EFCAB8: variants seen among roughly 807,000 people sequenced by gnomAD.
EFCAB8 encodes EF-hand calcium-binding domain-containing protein 8.
EFCAB8 carries 100 observed loss-of-function variants against 116.3 expected under a neutral mutation model. The observed-to-expected ratio is 0.86, with a 90% CI of 0.73 to 1.02. The LOEUF is 1.02. Ranked by LOEUF, EFCAB8 falls within the 50% of genes least tolerant of loss-of-function variation. The pLI is 0.00. For synonymous variants in EFCAB8, 558 were observed against 567.9 expected (o/e 0.98, Z 0.25); for missense variants, 1,320 against 1,416.9 (o/e 0.93, Z 1.10).
chr20:32,866,748 C>G (rs1297151662), intron 2 of EFCAB8, among the ~76,000 whole-genome samples: 3 of 143,862 alleles, frequency 2.1e-5, no homozygotes, highest in Non-Finnish European at 3.1e-5. Context: ...TTCCTTCCTT[C>G]CCTCCCTCCC....
intron 3 of EFCAB8, among the ~76,000 whole-genome samples, chr20:32,869,386 C>T (rs1445650928): frequency 6.6e-6 from 1 of 152,144 alleles, no homozygotes; most frequent in Non-Finnish European, 1.5e-5. Context: ...CTGGTATGTG[C>T]CACCACGCCT....
intron 6 of EFCAB8, 103 bp downstream of exon 6, chr20:32,885,743 C>G (rs1424223262): frequency 3.7e-5 from 53 of 1,418,838 alleles, no homozygotes; most frequent in Non-Finnish European, 5.0e-5. Flanking sequence ...GATTCATGGT[C>G]TAAGCAGCCT....
intron 6 of EFCAB8, among the ~76,000 whole-genome samples, chr20:32,886,421 C>T (rs1985634110): frequency 6.6e-6 from 1 of 152,188 alleles, no homozygotes; most frequent in Admixed American, 6.5e-5. Flanking sequence ...GAAAGCACTG[C>T]TCTCCAGGGC....
At chr20:32,954,369 C>A (rs1411970005) in intron 23 of EFCAB8, among the ~76,000 whole-genome samples, 3 of 152,130 alleles carry the variant, frequency 2.0e-5, no homozygotes, top group Admixed American at 6.5e-5. Context: ...TTCCCAAAAC[C>A]ATTTGTTGTA....
intron 11 of EFCAB8, among the ~76,000 whole-genome samples, chr20:32,900,945 G>A (rs1248957427): frequency 6.6e-6 from 1 of 151,688 alleles, no homozygotes; most frequent in East Asian, 1.9e-4. Flanking sequence ...CTCGTGATCC[G>A]CCCACCTCGG....
intron 23 of EFCAB8, among the ~76,000 whole-genome samples, chr20:32,948,678 A>G (rs576517320): frequency 1.5e-4 from 23 of 152,308 alleles, no homozygotes; most frequent in Non-Finnish European, 3.2e-4. Context: ...TCCAGCAATG[A>G]TCACATAGGG....
At chr20:32,946,812 A>C (rs1437595149) in intron 23 of EFCAB8, among the ~76,000 whole-genome samples, 1 of 152,176 alleles carries the variant, frequency 6.6e-6, no homozygotes, top group South Asian at 2.1e-4. Context: ...TCCTTCTCCT[A>C]ACCCCTGGCA....
At chr20:32,921,412 C>T (rs1284486631) in intron 20 of EFCAB8, among the ~76,000 whole-genome samples, 2 of 149,910 alleles carry the variant, frequency 1.3e-5, no homozygotes, top group African/African-American at 2.4e-5. Context: ...GATGGGGTCT[C>T]ACTATGCTGC....
chr20:32,931,307 C>T lies in EFCAB8; in HGVS notation c.2761C>T (p.Pro921Ser). 1 of 1,550,442 alleles carries T rather than the reference C, an allele frequency of 6.4e-7. No homozygotes were observed. Among genetic ancestry groups the T allele is most frequent in the Non-Finnish European group, 8.7e-7 (1 of 1,146,276 alleles). ...TCCTCAGCAACTTGGGACCAACTTC[C>T]CACACTACATTCCCTTGGAGGATAA... is the stretch of plus-strand genomic sequence containing the variant. ...LIPQQLGTNF[P>S]HYIPLEDKEV... The change falls in exon 22 of 27, where the codon CCA (proline) becomes TCA (serine). Residue 921 changes from proline (P) to serine (S), a missense_variant. By Grantham distance (74) the Pro-to-Ser change is moderately conservative. Coordinates refer to ENST00000400522, the MANE Select transcript of EFCAB8 (RefSeq NM_001143967.2).
chr20:32,870,981 C>T (rs1228365401), intron 3 of EFCAB8, among the ~76,000 whole-genome samples: 1 of 151,992 alleles, frequency 6.6e-6, no homozygotes, highest in East Asian at 1.9e-4. Context: ...GTCTCAGCCT[C>T]CCGAGTAGCT....
intron 10 of EFCAB8, among the ~76,000 whole-genome samples, chr20:32,896,931 T>C (rs1340613064): frequency 5.9e-5 from 9 of 152,196 alleles, no homozygotes; most frequent in African/African-American, 1.9e-4. Flanking sequence ...GTCCTTACCA[T>C]GGCCGTCAGG....
intron 23 of EFCAB8, among the ~76,000 whole-genome samples, chr20:32,946,422 G>T (rs1272631196): frequency 6.6e-6 from 1 of 152,034 alleles, no homozygotes; most frequent in Non-Finnish European, 1.5e-5. Flanking sequence ...TTTGGTTTTT[G>T]TTTGTTTGTT....
intron 17 of EFCAB8, among the ~76,000 whole-genome samples, chr20:32,916,894 G>A (rs946211374): frequency 6.6e-6 from 1 of 152,018 alleles, no homozygotes; most frequent in Non-Finnish European, 1.5e-5. Context: ...AATCTGAAGC[G>A]TGAGAAGGAA....
In EFCAB8 at chr20:32,867,947, C is replaced by T. The variant is rs116428468; in HGVS notation, c.208+200C>T. On this transcript the variant is annotated intron_variant, in intron 3 of 26. Transcript: ENST00000400522. ...AACCTCCCATGCTCAAGCGATCCTCCTGTCTCAGCCCCCAGAGTAGCTGGG... is the reference window on the plus strand; with the variant it reads ...AACCTCCCATGCTCAAGCGATCCTCTTGTCTCAGCCCCCAGAGTAGCTGGG... Among the ~76,000 whole-genome samples the T allele has an allele frequency of 5.3e-3, 805 of 152,230 alleles. 5 individuals carry two copies. Among genetic ancestry groups the T allele is most frequent in the African/African-American group, 0.019 (774 of 41,524 alleles).
At chr20:32,868,303 G>A (rs1005548784) in intron 3 of EFCAB8, among the ~76,000 whole-genome samples, 5 of 152,070 alleles carry the variant, frequency 3.3e-5, no homozygotes, top group Admixed American at 6.6e-5. Flanking sequence ...CTCAAGCAGC[G>A]CCTTCTGCCT....
chr20:32,869,350 C>G (rs1385246086), intron 3 of EFCAB8, among the ~76,000 whole-genome samples: 1 of 151,944 alleles, frequency 6.6e-6, no homozygotes, highest in Admixed American at 6.6e-5. Context: ...ATTCTCCTGT[C>G]TCAGCCTCCC....
At chr20:32,939,125 CTCTTTCTTTCTTTCTTTCTTTCTTTCTT>C (rs56136077) in intron 22 of EFCAB8, among the ~76,000 whole-genome samples, 1,057 of 56,488 alleles carry the variant, frequency 0.019, 23 homozygotes, top group Middle Eastern at 0.027. Context: ...CTCTTTCTTT[CTCTTTCTTTCTTTCTTTCTTTCTTTCTT>C]TCTTTCTTTC....
intron 3 of EFCAB8, among the ~76,000 whole-genome samples, chr20:32,875,502 G>GTTTTTTTTTTTT (rs57620114): frequency 2.9e-4 from 26 of 89,876 alleles, no homozygotes; most frequent in Non-Finnish European, 3.9e-4. Flanking sequence ...AAACATGGTG[G>GTTTTTTTTTTTT]TTTTTTTTTT....
chr20:32,908,663 G>A (rs975378690), intron 14 of EFCAB8, among the ~76,000 whole-genome samples: 1 of 152,202 alleles, frequency 6.6e-6, no homozygotes, highest in Admixed American at 6.5e-5. Context: ...GGCGTCCTCA[G>A]CCTCTCCCTC....
Sources: gnomAD v4.1 joint callset for allele counts (sites outside exome capture counted in the v4.1 genomes callset) on GRCh38, gnomAD v4.1.1 for gene constraint, MANE v1.5 for transcripts, NCBI Gene and HGNC (gene_info 2026-07-23, HGNC 2026-07-21) for gene names.